SPON1: variants seen among roughly 807,000 people sequenced by gnomAD.
The protein encoded by SPON1 is spondin-1.
SPON1 carries 52 observed loss-of-function variants against 111.7 expected under a neutral mutation model. That is an observed-to-expected ratio of 0.47 (90% CI 0.37 to 0.59). The LOEUF (loss-of-function observed/expected upper bound fraction) is 0.59, where lower values mean the gene tolerates loss of function less well. Ranked by LOEUF, SPON1 falls within the 20% of genes least tolerant of loss-of-function variation. SPON1 has a pLI of 0.00. For missense variants in SPON1, 957 were observed against 1,068.5 expected, an observed-to-expected ratio of 0.90 and a Z score of 1.46; for synonymous variants, 410 against 395.8, an observed-to-expected ratio of 1.04 and a Z score of -0.43.
chr11:14,212,142 A>G (rs1248619132), intron 6 of SPON1, among the ~76,000 whole-genome samples: 1 of 148,038 alleles, frequency 6.8e-6, no homozygotes, highest in Non-Finnish European at 1.5e-5. Flanking sequence ...GCATTTCTTT[A>G]GTAACCTTCC....
intron 5 of SPON1, among the ~76,000 whole-genome samples, chr11:14,083,446 A>C (rs1255379966): frequency 6.6e-6 from 1 of 152,214 alleles, no homozygotes; most frequent in Admixed American, 6.5e-5. Flanking sequence ...AACTCTGCAA[A>C]TTGTTTTTTT....
chr11:14,117,062 C>T (rs1326104403), intron 5 of SPON1, among the ~76,000 whole-genome samples: 5 of 152,118 alleles, frequency 3.3e-5, no homozygotes, highest in Non-Finnish European at 7.4e-5. Context: ...AATTAATTTT[C>T]AGAGACTTTG....
intron 4 of SPON1, among the ~76,000 whole-genome samples, chr11:14,076,343 A>G (rs1848917742): frequency 6.6e-6 from 1 of 152,212 alleles, no homozygotes; most frequent in Non-Finnish European, 1.5e-5. Flanking sequence ...AATCCTCTCC[A>G]ACTATAGCAA....
intron 6 of SPON1, among the ~76,000 whole-genome samples, chr11:14,191,296 G>A (rs1030254266): frequency 2.5e-4 from 38 of 152,154 alleles, no homozygotes; most frequent in African/African-American, 6.0e-4. Context: ...GGAAGCACTC[G>A]TAGGTTATGT....
chr11:14,134,857 C>A (rs1222199609), intron 5 of SPON1: 1 of 152,342 alleles, frequency 6.6e-6, no homozygotes, highest in South Asian at 2.1e-4. Context: ...CAAGGCCATT[C>A]ATGAGCCAGC....
At chr11:14,154,462 A>G (rs145174729) in intron 6 of SPON1, among the ~76,000 whole-genome samples, 11 of 152,314 alleles carry the variant, frequency 7.2e-5, no homozygotes, top group African/African-American at 2.4e-4. Context: ...CCGCTTAGCC[A>G]TGGCTGGAGC....
At chr11:14,035,614 C>CTT (rs57790720) in intron 2 of SPON1, among the ~76,000 whole-genome samples, 38 of 132,266 alleles carry the variant, frequency 2.9e-4, no homozygotes, top group African/African-American at 1.1e-3. Context: ...ACACTTAGTT[C>CTT]TTTTTTTTTT....
chr11:14,143,344 T>C (rs1404561812), intron 6 of SPON1, among the ~76,000 whole-genome samples: 1 of 152,112 alleles, frequency 6.6e-6, no homozygotes, highest in Non-Finnish European at 1.5e-5. Flanking sequence ...GGCAGATCAC[T>C]TGAGCTCAGG....
chr11:14,112,258 G>C (rs1300962595), intron 5 of SPON1, among the ~76,000 whole-genome samples: 1 of 152,202 alleles, frequency 6.6e-6, no homozygotes, highest in African/African-American at 2.4e-5. Context: ...GCCTGCTGAA[G>C]ACCCTTCAGA....
In SPON1 at chr11:13,987,316, G is replaced by A. The variant is rs143626209; in HGVS notation, c.345+4363G>A. The stretch of plus-strand genomic sequence containing the variant: ...GATTTGCCTTTCTCTAATGACCAGT[G>A]ATGATAAGCATTTTTTTCATATGTC... On this transcript the variant is annotated intron_variant, in intron 2 of 15. Coordinates refer to ENST00000576479, the MANE Select transcript of SPON1 (RefSeq NM_006108.4). Among the ~76,000 whole-genome samples the A allele has an allele frequency of 1.8e-3, 277 of 152,310 alleles. 3 individuals are homozygous for A. The highest frequency in any genetic ancestry group is 6.3e-3 in the African/African-American group (262 of 41,566).
chr11:14,216,671 A>C (rs1848629870), intron 6 of SPON1, among the ~76,000 whole-genome samples: 1 of 152,198 alleles, frequency 6.6e-6, no homozygotes, highest in Non-Finnish European at 1.5e-5. Flanking sequence ...CCAGGGGCTG[A>C]ACTTACTCTA....
At chr11:14,002,976 CAT>C (rs1287685555) in intron 2 of SPON1, among the ~76,000 whole-genome samples, 5 of 152,176 alleles carry the variant, frequency 3.3e-5, no homozygotes, top group Admixed American at 1.3e-4. Context: ...TGTGCCTACA[CAT>C]GTTTTACCCA....
chr11:13,982,889 C>T lies in SPON1; in HGVS notation c.281C>T (p.Thr94Ile). 2 of 1,562,704 alleles carry T rather than the reference C, an allele frequency of 1.3e-6. No homozygotes were observed. Among genetic ancestry groups the T allele is most frequent in the Non-Finnish European group, 1.7e-6 (2 of 1,152,370 alleles). The change falls in exon 2 of 16, where the codon ACA becomes ATA. Residue 94 changes from threonine to isoleucine, a missense_variant. Transcript: ENST00000576479. The part of the protein sequence containing the change: ...AAPPSYFRGF[T>I]LIALRENREG... ...CCTCCCTCCTACTTCAGAGGATTCACATTAATTGCCCTCAGAGAGAACAGA... is the reference window on the plus strand; with the variant it reads ...CCTCCCTCCTACTTCAGAGGATTCATATTAATTGCCCTCAGAGAGAACAGA...
chr11:13,977,580 T>C (rs1554909166), intron 1 of SPON1, among the ~76,000 whole-genome samples: 1 of 152,218 alleles, frequency 6.6e-6, no homozygotes, highest in Non-Finnish European at 1.5e-5. Flanking sequence ...GTATTTTAGA[T>C]AAAAGTCAGT....
At chr11:14,235,064 C>T (rs1554939080) in intron 6 of SPON1, among the ~76,000 whole-genome samples, 1 of 152,182 alleles carries the variant, frequency 6.6e-6, no homozygotes, top group African/African-American at 2.4e-5. Context: ...TATGCTGTCC[C>T]TTCCCCTCCT....
intron 1 of SPON1, among the ~76,000 whole-genome samples, chr11:13,971,091 A>T (rs377113317): frequency 3.3e-5 from 5 of 152,332 alleles, no homozygotes; most frequent in African/African-American, 1.2e-4. Context: ...TCTCTCAGCC[A>T]GAGAGAAAGG....
chr11:14,073,990 G>C (rs116700148), intron 3 of SPON1, among the ~76,000 whole-genome samples: 7 of 152,144 alleles, frequency 4.6e-5, no homozygotes, highest in Non-Finnish European at 7.3e-5. Context: ...CCTCCACAGA[G>C]GTCCTGGAGG....
intron 8 of SPON1, among the ~76,000 whole-genome samples, chr11:14,255,080 A>G (rs1849091323): frequency 6.6e-6 from 1 of 152,232 alleles, no homozygotes; most frequent in Non-Finnish European, 1.5e-5. Context: ...TTGCATTGAA[A>G]TCTGGAGCCA....
intron 5 of SPON1, among the ~76,000 whole-genome samples, chr11:14,123,624 G>C (rs1591381702): frequency 6.6e-6 from 1 of 152,204 alleles, no homozygotes; most frequent in African/African-American, 2.4e-5. Flanking sequence ...GTGAAGCTTA[G>C]TGTTTGGTCA....
Sources: gnomAD v4.1 joint callset for allele counts (sites outside exome capture counted in the v4.1 genomes callset) on GRCh38, gnomAD v4.1.1 for gene constraint, MANE v1.5 for transcripts, NCBI Gene and HGNC (gene_info 2026-07-23, HGNC 2026-07-21) for gene names.